Variants in SCML4 observed in about 807,000 individuals in gnomAD.
The protein encoded by SCML4 is sex comb on midleg-like protein 4.
In SCML4, 34 loss-of-function variants were observed where a neutral mutation model predicts 41.1. The ratio of observed to expected loss-of-function variants is 0.83; its 90% CI spans 0.63 to 1.10. The LOEUF is 1.10. Ranked by LOEUF, SCML4 falls within the 50% of genes least tolerant of loss-of-function variation. The probability of loss-of-function intolerance (pLI) is 0.00; values close to 1 mark genes in which losing one functional copy is unlikely to be tolerated. For missense variants in SCML4, 522 were observed against 534.1 expected (o/e 0.98, Z 0.22); for synonymous variants, 214 against 220.9 (o/e 0.97, Z 0.28).
chr6:107,778,222 AAT>A (rs1163805768), intron 1 of SCML4, among the ~76,000 whole-genome samples: 62 of 15,504 alleles, frequency 4.0e-3, no homozygotes, highest in East Asian at 0.011. Context: ...AAAAAAAAAA[AAT>A]ATATATATAT....
chr6:107,805,554 A>G, intron 1 of SCML4, among the ~76,000 whole-genome samples: 1 of 152,194 alleles, frequency 6.6e-6, no homozygotes, highest in Non-Finnish European at 1.5e-5. Context: ...TGAAATCCTG[A>G]CACTGGCCTG....
intron 2 of SCML4, among the ~76,000 whole-genome samples, chr6:107,750,431 G>A (rs1370252436): frequency 6.6e-6 from 1 of 152,206 alleles, no homozygotes; most frequent in East Asian, 1.9e-4. Flanking sequence ...TGCTCTTATG[G>A]AGTAAGGGGA....
At chr6:107,812,870 C>T (rs1053846044) in intron 1 of SCML4, among the ~76,000 whole-genome samples, 4 of 127,164 alleles carry the variant, frequency 3.1e-5, no homozygotes, top group African/African-American at 1.2e-4. Context: ...GCTCTTTACA[C>T]ACAGACACAT....
chr6:107,751,876 T>G (rs921810874), intron 2 of SCML4, among the ~76,000 whole-genome samples: 11 of 152,090 alleles, frequency 7.2e-5, no homozygotes, highest in African/African-American at 2.7e-4. Flanking sequence ...CCTCATGATC[T>G]GCCTGCCCTG....
At chr6:107,805,785 A>ATAC (rs1562277314) in intron 1 of SCML4, among the ~76,000 whole-genome samples, 1 of 152,228 alleles carries the variant, frequency 6.6e-6, no homozygotes, top group Non-Finnish European at 1.5e-5. Context: ...AGCAGCTGTA[A>ATAC]TACTGGCAAT....
At chr6:107,827,716 G>C (rs1261894744), upstream of SCML4, among the ~76,000 whole-genome samples, 1 of 152,172 alleles carries the variant, frequency 6.6e-6, no homozygotes, top group African/African-American at 2.4e-5. Context: ...ACCACAAGCA[G>C]CATGTTCCAC....
intron 2 of SCML4, among the ~76,000 whole-genome samples, chr6:107,768,529 G>T (rs1236008540): frequency 6.6e-6 from 1 of 152,086 alleles, no homozygotes; most frequent in Admixed American, 6.5e-5. Context: ...TTTTTGACTT[G>T]AGAAGCATAA....
chr6:107,807,344 T>C (rs9400148), intron 1 of SCML4, among the ~76,000 whole-genome samples: 142,334 of 152,162 alleles, frequency 0.94, 67,343 homozygotes, highest in East Asian at 1. Context: ...CTTCCTCCTC[T>C]CCTTAGAAAT....
In SCML4 at chr6:107,824,281, G is replaced by C. The variant is rs904191702; in HGVS notation, c.-215C>G. 3 of 152,152 alleles carry C rather than the reference G, an allele frequency of 2.0e-5. No homozygotes were observed. Among genetic ancestry groups the C allele is most frequent in the Admixed American group, 1.3e-4 (2 of 15,276 alleles). 9.4% of individuals were successfully genotyped at this position (152,152 alleles called of 1,614,324 possible). On this transcript the variant is annotated 5_prime_UTR_variant, in exon 1 of 8. Transcript: ENST00000369020. ...CACAGTTAGTCTCCAGCAGCCCTGC[G>C]CTCCAGCTGCAAACATCTCATTAGA... is the stretch of plus-strand genomic sequence containing the variant.
rs1773295106 is a variant in SCML4 at position 107,702,905 on chromosome 6, G to C, written c.*2295C>G. On this transcript the variant is annotated 3_prime_UTR_variant, in exon 8 of 8. Coordinates refer to ENST00000369020, the MANE Select transcript of SCML4 (RefSeq NM_198081.5). Reference sequence around the variant, plus strand: ...TTCTGAGTCACAGGATGAGACAGGAGGTCAGCACAAGATATAGGTCATAAA... The same window carrying C: ...TTCTGAGTCACAGGATGAGACAGGACGTCAGCACAAGATATAGGTCATAAA... Among the ~76,000 whole-genome samples, 1 of 152,186 alleles carries C rather than the reference G, an allele frequency of 6.6e-6. No individual in the cohort carries two copies. The highest frequency in any genetic ancestry group is 2.4e-5 in the African/African-American group (1 of 41,444).
At chr6:107,750,712 A>G (rs1778542090) in intron 2 of SCML4, among the ~76,000 whole-genome samples, 1 of 152,110 alleles carries the variant, frequency 6.6e-6, no homozygotes, top group Non-Finnish European at 1.5e-5. Flanking sequence ...CCCAACACCA[A>G]AGCTTTTCAA....
chr6:107,707,011 C>T (rs923829118), intron 7 of SCML4, among the ~76,000 whole-genome samples: 1 of 152,142 alleles, frequency 6.6e-6, no homozygotes, highest in Non-Finnish European at 1.5e-5. Flanking sequence ...GAGGCAACTA[C>T]GTTGGTGGTA....
At chr6:107,707,231 G>A (rs1255579861) in intron 7 of SCML4, among the ~76,000 whole-genome samples, 1 of 152,146 alleles carries the variant, frequency 6.6e-6, no homozygotes, top group Non-Finnish European at 1.5e-5. Flanking sequence ...GAACTGGGAA[G>A]GCAGAGGCTG....
chr6:107,806,284 G>A (rs1202014473), intron 1 of SCML4, among the ~76,000 whole-genome samples: 3 of 151,964 alleles, frequency 2.0e-5, no homozygotes, highest in African/African-American at 4.8e-5. Context: ...ATAGCAACCT[G>A]TACAGGCTTC....
chr6:107,765,992 AC>A (rs1450562062), intron 2 of SCML4, among the ~76,000 whole-genome samples: 1 of 152,216 alleles, frequency 6.6e-6, no homozygotes, highest in African/African-American at 2.4e-5. Context: ...GTCTTCAAAA[AC>A]TATTATCCAA....
Position 107,797,657 on chromosome 6 carries a change from C to T in SCML4, c.-59-25271G>A, listed in dbSNP as rs141753426. Among the ~76,000 whole-genome samples, 38 of 151,910 alleles carry T rather than the reference C, an allele frequency of 2.5e-4. 1 individual carries two copies. The highest frequency in any genetic ancestry group is 5.0e-4 in the Non-Finnish European group (34 of 67,824). ...TGCCTTGTTACAGTGGTTGGAAATCCAGGATAATGCTGCATATAAGTGGTG... is the reference window on the plus strand; with the variant it reads ...TGCCTTGTTACAGTGGTTGGAAATCTAGGATAATGCTGCATATAAGTGGTG... On this transcript the variant is annotated intron_variant, in intron 1 of 7. Coordinates refer to ENST00000369020, the MANE Select transcript of SCML4 (RefSeq NM_198081.5).
chr6:107,711,330 C>T (rs550072813), intron 6 of SCML4, among the ~76,000 whole-genome samples: 1 of 152,318 alleles, frequency 6.6e-6, no homozygotes, highest in Non-Finnish European at 1.5e-5. Context: ...CATATACAGT[C>T]ATGCACCGCC....
intron 6 of SCML4, chr6:107,719,806 G>T: frequency 1.4e-6 from 1 of 723,534 alleles, no homozygotes; most frequent in Non-Finnish European, 1.7e-6. Flanking sequence ...TAGGCAGGAA[G>T]CAGCAGATCC....
intron 1 of SCML4, among the ~76,000 whole-genome samples, chr6:107,798,785 C>G (rs1388494976): frequency 6.6e-6 from 1 of 152,068 alleles, no homozygotes; most frequent in Non-Finnish European, 1.5e-5. Flanking sequence ...TTTTAGTATG[C>G]TGAGCTTTCT....
Sources: gnomAD v4.1 joint callset for allele counts (sites outside exome capture counted in the v4.1 genomes callset) on GRCh38, gnomAD v4.1.1 for gene constraint, MANE v1.5 for transcripts, NCBI Gene and HGNC (gene_info 2026-07-23, HGNC 2026-07-21) for gene names.